Variants in CCDC12 observed in about 807,000 individuals in gnomAD.
CCDC12 encodes coiled-coil domain-containing protein 12.
CCDC12 carries 28 observed loss-of-function variants against 25.7 expected under a neutral mutation model. That is an observed-to-expected ratio of 1.09 (90% CI 0.81 to 1.50). The LOEUF (loss-of-function observed/expected upper bound fraction) is 1.50. CCDC12 is among the 40% of genes most tolerant of loss of function. The pLI, the probability that CCDC12 is intolerant of heterozygous loss-of-function variation, is 0.00. For synonymous variants in CCDC12, 75 were observed against 87.7 expected (o/e 0.86, Z 0.81); for missense variants, 198 against 210.0 (o/e 0.94, Z 0.35).
At chr3:46,946,499 G>A (rs755703921) in intron 1 of CCDC12, among the ~76,000 whole-genome samples, 16 of 152,346 alleles carry the variant, frequency 1.1e-4, no homozygotes, top group South Asian at 4.1e-4. Context: ...ACATGAGAGC[G>A]GAGCAAGAGC....
At chr3:46,972,140 T>G (rs1275847542) in intron 1 of CCDC12, among the ~76,000 whole-genome samples, 1 of 152,156 alleles carries the variant, frequency 6.6e-6, no homozygotes, top group African/African-American at 2.4e-5. Context: ...ACAGATAAAT[T>G]GAACTTCATC....
chr3:46,945,890 G>C (rs142114857), intron 1 of CCDC12, among the ~76,000 whole-genome samples: 41 of 152,322 alleles, frequency 2.7e-4, no homozygotes, highest in African/African-American at 9.4e-4. Flanking sequence ...AGACCAGCTA[G>C]AGGTTTATCA....
At chr3:46,972,198 G>A (rs945442316) in intron 1 of CCDC12, among the ~76,000 whole-genome samples, 2 of 152,200 alleles carry the variant, frequency 1.3e-5, no homozygotes, top group African/African-American at 4.8e-5. Flanking sequence ...ACCAGGTGCG[G>A]TGGTTCACAC....
intron 1 of CCDC12, among the ~76,000 whole-genome samples, chr3:46,950,268 G>A (rs1397388672): frequency 1.3e-5 from 2 of 151,814 alleles, no homozygotes; most frequent in East Asian, 1.9e-4. Flanking sequence ...GAAACAGAAG[G>A]CCTATTAGTA....
At chr3:46,969,513 G>A (rs369677127) in intron 1 of CCDC12, among the ~76,000 whole-genome samples, 3 of 152,100 alleles carry the variant, frequency 2.0e-5, no homozygotes, top group South Asian at 2.1e-4. Flanking sequence ...GATTACAGGC[G>A]TGAGACACCA....
intron 1 of CCDC12, among the ~76,000 whole-genome samples, chr3:46,974,288 A>C (rs889995586): frequency 3.9e-5 from 6 of 152,188 alleles, no homozygotes; most frequent in Non-Finnish European, 8.8e-5. Flanking sequence ...TAAAATAGTA[A>C]ATTGTATGTG....
intron 1 of CCDC12, among the ~76,000 whole-genome samples, chr3:46,974,516 G>C (rs1355640869): frequency 1.3e-5 from 2 of 151,882 alleles, no homozygotes; most frequent in Non-Finnish European, 2.9e-5. Context: ...AGGTGAACTA[G>C]CCATTGTTTG....
intron 1 of CCDC12, among the ~76,000 whole-genome samples, chr3:46,943,064 GGA>G (rs2033772319): frequency 6.6e-6 from 1 of 152,202 alleles, no homozygotes; most frequent in Admixed American, 6.5e-5. Context: ...GAGAAACCGA[GGA>G]GAGACTGGAG....
chr3:46,969,485 G>A (rs1478951062), intron 1 of CCDC12, among the ~76,000 whole-genome samples: 1 of 152,036 alleles, frequency 6.6e-6, no homozygotes, highest in Non-Finnish European at 1.5e-5. Flanking sequence ...TGCCCACTTT[G>A]GCCTCCCAAA....
intron 1 of CCDC12, among the ~76,000 whole-genome samples, chr3:46,956,306 T>C (rs2034286694): frequency 6.6e-6 from 1 of 152,224 alleles, no homozygotes; most frequent in African/African-American, 2.4e-5. Flanking sequence ...GACCTGGGAA[T>C]CTGAATGTTC....
Position 46,922,265 on chromosome 3 carries a change from C to G in CCDC12, c.389G>C (p.Arg130Pro). The G allele has an allele frequency of 6.2e-7, 1 of 1,614,278 alleles. No individual in the cohort carries two copies. The highest frequency in any genetic ancestry group is 8.5e-7 in the Non-Finnish European group (1 of 1,180,052). ...CAGCTCGGCAATGGCCCTCTGAGTC[C>G]GCTTTTTTAGTTTCTCCAGCTTCTT... ...VAKKLEKLKK[R>P]TQRAIAELIR... Residue 130 changes from arginine (R) to proline (P), a missense_variant, in exon 6 of 7, where the codon CGG becomes CCG. Transcript: ENST00000683445.
intron 1 of CCDC12, among the ~76,000 whole-genome samples, chr3:46,962,434 C>CAAAAAAAAA (rs33969115): frequency 1.6e-5 from 1 of 63,178 alleles, no homozygotes. Flanking sequence ...AACTCTATCT[C>CAAAAAAAAA]AAAAAAAAAA....
At chr3:46,944,932 C>T (rs1286897757) in intron 1 of CCDC12, among the ~76,000 whole-genome samples, 1 of 152,202 alleles carries the variant, frequency 6.6e-6, no homozygotes, top group African/African-American at 2.4e-5. Flanking sequence ...TTACACCCCA[C>T]ATTTTGTCTC....
chr3:46,925,116 C>T, intron 3 of CCDC12: 3 of 451,048 alleles, frequency 6.7e-6, no homozygotes, highest in Non-Finnish European at 1.3e-5. Flanking sequence ...TCACCCTGCC[C>T]TGCTGCCCAA....
chr3:46,945,809 A>C (rs1325383897), intron 1 of CCDC12, among the ~76,000 whole-genome samples: 1 of 152,236 alleles, frequency 6.6e-6, no homozygotes, highest in Non-Finnish European at 1.5e-5. Context: ...TTGTTCTCTT[A>C]ATAGCCTAAT....
At chr3:46,979,742 C>A, upstream of CCDC12, 1 of 321,628 alleles carries the variant, frequency 3.1e-6, no homozygotes, top group Non-Finnish European at 5.7e-6. Flanking sequence ...CCAGTAGTAC[C>A]GCGCCGCTCC....
chr3:46,948,148 A>G (rs1288779252), intron 1 of CCDC12, among the ~76,000 whole-genome samples: 1 of 152,232 alleles, frequency 6.6e-6, no homozygotes, highest in African/African-American at 2.4e-5. Flanking sequence ...CTGCTTCACC[A>G]AGACATTAGG....
rs552928420 is a variant in CCDC12, at chr3:46,957,008, G to A, written c.97-15943C>T. On this transcript the variant is annotated intron_variant, in intron 1 of 6. Transcript: ENST00000683445. ...TTATTCTATGGGCTGCCCAGAGCCCGAGCTCCTCCCTTCACTTACAAAAGC... is the reference window on the plus strand; with the variant it reads ...TTATTCTATGGGCTGCCCAGAGCCCAAGCTCCTCCCTTCACTTACAAAAGC... Among the ~76,000 whole-genome samples the A allele has an allele frequency of 1.2e-4, 19 of 152,272 alleles. No individual in the cohort carries two copies. The East Asian group carries it at 2.9e-3, about 23-fold the overall frequency.
intron 1 of CCDC12, 68 bp from the exon 2 acceptor site, chr3:46,941,133 GA>G: frequency 2.0e-6 from 3 of 1,507,288 alleles, no homozygotes; most frequent in Non-Finnish European, 2.8e-6. Flanking sequence ...GTGGCCCAGG[GA>G]GCTAAAGAAC....
Sources: gnomAD v4.1 joint callset for allele counts (sites outside exome capture counted in the v4.1 genomes callset) on GRCh38, gnomAD v4.1.1 for gene constraint, MANE v1.5 for transcripts, NCBI Gene and HGNC (gene_info 2026-07-23, HGNC 2026-07-21) for gene names.